VPS33A: variants seen among roughly 807,000 people sequenced by gnomAD.
VPS33A encodes the protein VPS33A core subunit of CORVET and HOPS complexes, also known as vacuolar protein sorting-associated protein 33A.
Under a neutral mutation model 71.8 loss-of-function variants are expected in VPS33A, and 32 were observed. The observed-to-expected ratio is 0.45, with a 90% CI of 0.34 to 0.60. The LOEUF is 0.60. VPS33A is among the 20% of genes least tolerant of loss of function. The pLI, the probability that VPS33A is intolerant of heterozygous loss-of-function variation, is 0.02. For synonymous variants in VPS33A, 311 were observed against 292.7 expected (o/e 1.06, Z -0.64); for missense variants, 625 against 748.5 (o/e 0.84, Z 1.92).
At chr12:122,261,144 A>C in intron 4 of VPS33A, 117 bp downstream of exon 4, 1 of 848,804 alleles carries the variant, frequency 1.2e-6, no homozygotes, top group East Asian at 3.1e-5. Context: ...GAAAATCTTA[A>C]ACATCAATAA....
rs758446128 is a variant in VPS33A, at chr12:122,266,322, C to T, written c.87G>A (p.Lys29=). The change falls in exon 1 of 13, where the codon AAG becomes AAA. Residue 29 remains lysine, a synonymous_variant. Coordinates refer to ENST00000267199, the MANE Select transcript of VPS33A (RefSeq NM_022916.6). The part of the protein sequence containing the change: ...VRRELREFLD[K]CAGSKAIVWD... ...CGCCCCTCACCTTGCTTCCTGCGCA[C>T]TTGTCCAGGAACTCGCGCAGCTCGC... The T allele has an allele frequency of 1.2e-5, 20 of 1,612,742 alleles. No individual in the cohort carries two copies. The Middle Eastern group carries it at 3.0e-3, about 239-fold the overall frequency.
intron 5 of VPS33A, among the ~76,000 whole-genome samples, chr12:122,250,370 G>A (rs1270447949): frequency 6.6e-6 from 1 of 152,188 alleles, no homozygotes; most frequent in Non-Finnish European, 1.5e-5. Flanking sequence ...CGCAGACTTA[G>A]GTTCCTGGGA....
chr12:122,245,357 T>C (rs1954763706), intron 6 of VPS33A, among the ~76,000 whole-genome samples: 2 of 151,974 alleles, frequency 1.3e-5, no homozygotes. Flanking sequence ...TTTCTTACTG[T>C]GGATTGGAAT....
chr12:122,232,472 G>A, intron 12 of VPS33A, 45 bp from the exon 13 acceptor site: 3 of 1,531,184 alleles, frequency 2.0e-6, no homozygotes, highest in South Asian at 2.4e-5. Flanking sequence ...TATTATTAAT[G>A]CTTCTCTTCC....
chr12:122,233,402 T>C (rs1168995960), intron 11 of VPS33A, among the ~76,000 whole-genome samples: 1 of 152,180 alleles, frequency 6.6e-6, no homozygotes, highest in East Asian at 1.9e-4. Flanking sequence ...ATTGTTGTAT[T>C]TTTAGTAGAG....
Position 122,232,918 on chromosome 12 carries a change from C to T in VPS33A, c.1491G>A (p.Val497=). Residue 497 remains valine, a synonymous_variant, in exon 12 of 13, where the codon GTG becomes GTA. Transcript: ENST00000267199. The stretch of plus-strand genomic sequence containing the variant: ...GCCGGGAAAGCAGCTGGGCCAGCCG[C>T]ACACTGAGCGGGGCATACCCACTGT... ...YVYSGYAPLS[V]RLAQLLSRPG... The T allele has an allele frequency of 6.2e-7, 1 of 1,614,068 alleles. No homozygotes were observed. The highest frequency in any genetic ancestry group is 8.5e-7 in the Non-Finnish European group (1 of 1,180,036).
Position 122,242,251 on chromosome 12 carries a change from T to G in VPS33A, c.1096+131A>C. On this transcript the variant is annotated intron_variant, in intron 8 of 12. Transcript: ENST00000267199. ...TAACATATGTATACTTCATTAACAC[T>G]GAGAAGAACACGTGGTATTAAGACA... 2.6e-6 allele frequency: 3 copies of G among 1,152,900 alleles called. No homozygotes were observed. The South Asian group carries it at 4.6e-5, about 18-fold the overall frequency. The allele number at this position is 1,152,900 out of a possible 1,614,324, so 71.4% of individuals were successfully genotyped here. A position where few individuals can be genotyped will look rare whatever the true frequency, so the allele number is the denominator to read the frequency against.
chr12:122,239,208 G>C (rs1566039601), intron 9 of VPS33A, among the ~76,000 whole-genome samples: 1 of 152,126 alleles, frequency 6.6e-6, no homozygotes, highest in Non-Finnish European at 1.5e-5. Flanking sequence ...TTTTATGTTA[G>C]GAATTTTCAT....
intron 8 of VPS33A, 133 bp from the exon 9 acceptor site, chr12:122,240,078 A>G: frequency 3.0e-6 from 2 of 672,452 alleles, no homozygotes; most frequent in South Asian, 1.7e-5. Context: ...CTGTAATCTC[A>G]GCACTGTAGG....
intron 1 of VPS33A, 60 bp downstream of exon 1, chr12:122,266,247 G>T: frequency 6.3e-7 from 1 of 1,584,004 alleles, no homozygotes; most frequent in Non-Finnish European, 8.6e-7. Flanking sequence ...GTCAGGGAAC[G>T]GATTAAACCA....
At chr12:122,233,770 C>A (rs1361011923) in intron 11 of VPS33A, among the ~76,000 whole-genome samples, 5 of 152,108 alleles carry the variant, frequency 3.3e-5, no homozygotes, top group Admixed American at 2.6e-4. Flanking sequence ...AGCCTCAAAA[C>A]CACTATGTAG....
At chr12:122,261,166 G>T in intron 4 of VPS33A, 95 bp downstream of exon 4, 20 of 1,006,666 alleles carry the variant, frequency 2.0e-5, no homozygotes, top group Non-Finnish European at 2.7e-5. Context: ...CATATAAAAT[G>T]GGACTCAGCT....
At chr12:122,233,682 C>T (rs1031430172) in intron 11 of VPS33A, among the ~76,000 whole-genome samples, 1 of 152,176 alleles carries the variant, frequency 6.6e-6, no homozygotes, top group East Asian at 1.9e-4. Context: ...TTAACTGCAA[C>T]ACTGCATGTA....
chr12:122,237,752 G>A (rs932672430), intron 10 of VPS33A, among the ~76,000 whole-genome samples: 4 of 136,740 alleles, frequency 2.9e-5, no homozygotes, highest in Non-Finnish European at 6.1e-5. Flanking sequence ...GAGCCACCGC[G>A]CCCGGCCTAT....
At chr12:122,245,145 C>G (rs191076244) in intron 6 of VPS33A, among the ~76,000 whole-genome samples, 1 of 152,240 alleles carries the variant, frequency 6.6e-6, no homozygotes, top group South Asian at 2.1e-4. Context: ...CAAGTAGCAT[C>G]TTAAAACCAA....
At chr12:122,258,431 CA>C (rs1391593377) in intron 4 of VPS33A, among the ~76,000 whole-genome samples, 2 of 151,856 alleles carry the variant, frequency 1.3e-5, no homozygotes, top group African/African-American at 4.8e-5. Context: ...ACTCACAGAA[CA>C]AAAGAAAATA....
intron 3 of VPS33A, among the ~76,000 whole-genome samples, chr12:122,262,783 C>T (rs78111976): frequency 0.049 from 7,514 of 151,940 alleles, 630 homozygotes; most frequent in African/African-American, 0.17. Context: ...GGATGATCCT[C>T]CTCTCCAACT....
At chr12:122,260,076 C>T (rs1178808017) in intron 4 of VPS33A, among the ~76,000 whole-genome samples, 1 of 151,768 alleles carries the variant, frequency 6.6e-6, no homozygotes, top group African/African-American at 2.4e-5. Flanking sequence ...CCAGAATAAG[C>T]GAATTCATAC....
chr12:122,246,016 C>T lies in VPS33A; in HGVS notation c.776-1254G>A, dbSNP rs73219901. Among the ~76,000 whole-genome samples, 1,071 of 152,314 alleles carry T rather than the reference C, an allele frequency of 7.0e-3. 12 individuals are homozygous for T. Among genetic ancestry groups the T allele is most frequent in the Middle Eastern group, 0.01 (3 of 294 alleles). ...CCTTAATCTCCTTCTCCCTACTCTG[C>T]TCCTGCCAAGCCAAGTGAGTCCCTA... On this transcript the variant is annotated intron_variant, in intron 6 of 12. Coordinates refer to ENST00000267199, the MANE Select transcript of VPS33A (RefSeq NM_022916.6).
Sources: gnomAD v4.1 joint callset for allele counts (sites outside exome capture counted in the v4.1 genomes callset) on GRCh38, gnomAD v4.1.1 for gene constraint, MANE v1.5 for transcripts, NCBI Gene and HGNC (gene_info 2026-07-23, HGNC 2026-07-21) for gene names.